The following LIPA variants were observed in gnomAD, a reference collection of about 807,000 sequenced individuals.
LIPA encodes the protein lysosomal acid lipase/cholesteryl ester hydrolase.
Under a neutral mutation model 40.6 loss-of-function variants are expected in LIPA, and 26 were observed. The ratio of observed to expected loss-of-function variants is 0.64; its 90% CI spans 0.47 to 0.89. LIPA has a LOEUF of 0.89. Ranked by LOEUF, LIPA falls within the 40% of genes least tolerant of loss-of-function variation. The pLI, the probability that LIPA is intolerant of heterozygous loss-of-function variation, is 0.00. For missense variants in LIPA, 455 were observed against 479.6 expected (o/e 0.95, Z 0.48); for synonymous variants, 188 against 168.4 (o/e 1.12, Z -0.90).
At chr10:89,290,000 G>A (rs1013309197) in intron 1 of LIPA, among the ~76,000 whole-genome samples, 7 of 145,486 alleles carry the variant, frequency 4.8e-5, no homozygotes, top group African/African-American at 1.8e-4. Flanking sequence ...AAAAAAAAGG[G>A]TGGGGGGGAC....
At chr10:89,400,004 G>A (rs536767197) in intron 2 of LIPA, among the ~76,000 whole-genome samples, 45 of 152,278 alleles carry the variant, frequency 3.0e-4, no homozygotes, top group African/African-American at 1.0e-3. Context: ...CTCGAGAACT[G>A]TAAGAAAATA....
chr10:89,319,661 G>A (rs1169946581), intron 1 of LIPA, among the ~76,000 whole-genome samples: 1 of 152,172 alleles, frequency 6.6e-6, no homozygotes, highest in Non-Finnish European at 1.5e-5. Context: ...CATTCCTTCT[G>A]AAACTATTCC....
At chr10:89,250,343 T>A (rs1349085605) in intron 1 of LIPA, among the ~76,000 whole-genome samples, 1 of 152,104 alleles carries the variant, frequency 6.6e-6, no homozygotes, top group East Asian at 1.9e-4. Context: ...GACCTCGTGA[T>A]CCGCCGGCCT....
At chr10:89,251,976 CCG>C (rs1164441790), upstream of LIPA, 1 of 152,424 alleles carries the variant, frequency 6.6e-6, no homozygotes, top group African/African-American at 2.4e-5. Flanking sequence ...AGAGCATGCG[CCG>C]TAGGCGTTTC....
At chr10:89,234,251 C>T (rs147955480) in intron 3 of LIPA, among the ~76,000 whole-genome samples, 32 of 152,322 alleles carry the variant, frequency 2.1e-4, no homozygotes, top group African/African-American at 6.0e-4. Flanking sequence ...GATTCTGACG[C>T]GCAGCCAGGC....
rs143793106 is a variant in LIPA at position 89,215,019 on chromosome 10, T to C, written c.1009A>G (p.Thr337Ala). ...TCGTGACCCCCGCTCCAGACTGCAG[T>C]CGGCACAAGCATGTCCTTCACATTG... Reference protein sequence around the residue: ...TYNVKDMLVPTAVWSGGHDWL... With the variant: ...TYNVKDMLVPAAVWSGGHDWL... Residue 337 changes from threonine to alanine, a missense_variant, in exon 10 of 10, where the codon ACT becomes GCT. Physicochemically the swap from Thr to Ala is moderately conservative, Grantham distance 58 (BLOSUM62 0). Coordinates refer to ENST00000336233, the MANE Select transcript of LIPA (RefSeq NM_000235.4). The C allele has an allele frequency of 3.6e-4, 583 of 1,614,126 alleles. 3 individuals are homozygous for C. In the East Asian group the frequency reaches 0.013, roughly 35 times the overall value.
intron 1 of LIPA, among the ~76,000 whole-genome samples, chr10:89,285,525 G>T (rs1023448535): frequency 6.6e-6 from 1 of 152,104 alleles, no homozygotes; most frequent in Non-Finnish European, 1.5e-5. Flanking sequence ...CATTTCATTG[G>T]TGTCTGATCA....
chr10:89,315,315 A>G (rs1564784202), intron 1 of LIPA, among the ~76,000 whole-genome samples: 1 of 152,198 alleles, frequency 6.6e-6, no homozygotes. Flanking sequence ...AAGTTAAACA[A>G]CCAATCAGAA....
At chr10:89,347,481 AAGGGCCAACC>A (rs1843930466), upstream of LIPA, among the ~76,000 whole-genome samples, 2 of 152,236 alleles carry the variant, frequency 1.3e-5, no homozygotes, top group Non-Finnish European at 2.9e-5. Context: ...GATGTTAGCC[AAGGGCCAACC>A]TTGCAAGCAA....
chr10:89,372,725 C>T (rs1348201324), intron 2 of LIPA, among the ~76,000 whole-genome samples: 1 of 152,224 alleles, frequency 6.6e-6, no homozygotes, highest in Admixed American at 6.5e-5. Flanking sequence ...TTCCCAGAAC[C>T]ATGGGAATGG....
chr10:89,367,128 G>A (rs1013528596), intron 2 of LIPA, among the ~76,000 whole-genome samples: 1 of 146,374 alleles, frequency 6.8e-6, no homozygotes, highest in Non-Finnish European at 1.5e-5. Flanking sequence ...TGAACAATGA[G>A]AACACTTGGA....
chr10:89,403,664 C>G (rs1244667874), intron 2 of LIPA: 4 of 1,606,352 alleles, frequency 2.5e-6, no homozygotes, highest in Non-Finnish European at 3.4e-6. Context: ...ATGAGCGGGC[C>G]CTGAGACTGG....
chr10:89,216,642 G>A (rs868587356), intron 8 of LIPA, among the ~76,000 whole-genome samples: 35 of 152,170 alleles, frequency 2.3e-4, no homozygotes, highest in African/African-American at 7.7e-4. Context: ...ATTGTATTAA[G>A]CATCATAAGT....
intron 1 of LIPA, among the ~76,000 whole-genome samples, chr10:89,291,468 G>A (rs2133508100): frequency 6.6e-6 from 1 of 152,192 alleles, no homozygotes; most frequent in African/African-American, 2.4e-5. Flanking sequence ...TCTTTTTTCA[G>A]TTTAAAGTAT....
intron 3 of LIPA, among the ~76,000 whole-genome samples, chr10:89,237,091 C>T (rs145631226): frequency 6.6e-6 from 1 of 152,142 alleles, no homozygotes; most frequent in Admixed American, 6.6e-5. Context: ...CTGAAAAACA[C>T]AGTGAGATCC....
intron 2 of LIPA, among the ~76,000 whole-genome samples, chr10:89,369,272 T>C (rs549229093): frequency 6.6e-6 from 1 of 152,300 alleles, no homozygotes; most frequent in African/African-American, 2.4e-5. Flanking sequence ...TTAAGTGCCC[T>C]TCCAACTAGT....
At chr10:89,299,726 C>G (rs957541729) in intron 1 of LIPA, among the ~76,000 whole-genome samples, 2 of 151,836 alleles carry the variant, frequency 1.3e-5, no homozygotes, top group Non-Finnish European at 2.9e-5. Flanking sequence ...GAGATATCAT[C>G]TCACCCCAGT....
chr10:89,383,415 T>G, intron 2 of LIPA: 1 of 1,614,204 alleles, frequency 6.2e-7, no homozygotes, highest in Non-Finnish European at 8.5e-7. Flanking sequence ...AAATTCCTGA[T>G]TTAGAAAACA....
At position 89,322,860 on chromosome 10, in the gene LIPA, G is replaced by A. The variant is rs146654523; in HGVS notation, c.-2+19751C>T. ...CTGTTCTCCCAGGAAGCACCTGGAG[G>A]GCAAGACAGGTGACTACATCTACCC... On this transcript the variant is annotated intron_variant, in intron 1 of 5. Transcript: ENST00000282673. Among the ~76,000 whole-genome samples, 84 of 152,314 alleles carry A rather than the reference G, an allele frequency of 5.5e-4. No homozygotes were observed. The East Asian group carries it at 0.013, about 23-fold the overall frequency.
Sources: allele counts gnomAD v4.1 joint callset (sites outside exome capture counted in the v4.1 genomes callset), GRCh38; gene constraint gnomAD v4.1.1; transcripts MANE v1.5; gene names NCBI Gene and HGNC (gene_info 2026-07-23, HGNC 2026-07-21).